The following ZNF521 variants were observed in gnomAD, a reference collection of about 807,000 sequenced individuals.
The protein encoded by ZNF521 is LYST-interacting protein 3.
A neutral mutation model predicts 105.5 loss-of-function variants in ZNF521; 14 were observed. The ratio of observed to expected loss-of-function variants is 0.13; its 90% CI spans 0.09 to 0.21. The LOEUF (loss-of-function observed/expected upper bound fraction) is 0.21. Among genes scored for constraint, ZNF521 ranks in the 10% least tolerant of loss-of-function variants. The pLI is 1.00. For synonymous variants in ZNF521, 635 were observed against 606.0 expected, an observed-to-expected ratio of 1.05 and a Z score of -0.70; for missense variants, 1,233 against 1,629.7, an observed-to-expected ratio of 0.76 and a Z score of 4.19.
At chr18:25,176,188 C>T (rs1374489990) in intron 5 of ZNF521, among the ~76,000 whole-genome samples, 1 of 152,190 alleles carries the variant, frequency 6.6e-6, no homozygotes, top group Admixed American at 6.5e-5. Context: ...CTGTAATAAA[C>T]TGGCAGCAAT....
intron 5 of ZNF521, among the ~76,000 whole-genome samples, chr18:25,153,676 C>T (rs1443463746): frequency 6.6e-6 from 1 of 152,180 alleles, no homozygotes; most frequent in Non-Finnish European, 1.5e-5. Flanking sequence ...CACACTCAAA[C>T]ATTTGATGCA....
chr18:25,191,291 G>A (rs2035813433), intron 5 of ZNF521, among the ~76,000 whole-genome samples: 1 of 152,108 alleles, frequency 6.6e-6, no homozygotes, highest in Non-Finnish European at 1.5e-5. Flanking sequence ...CATGAACTTT[G>A]AAAGGGAGGC....
At chr18:25,150,122 A>C (rs984421573) in intron 5 of ZNF521, among the ~76,000 whole-genome samples, 1 of 152,210 alleles carries the variant, frequency 6.6e-6, no homozygotes, top group African/African-American at 2.4e-5. Flanking sequence ...AATGGCATTC[A>C]CAGCAACTTG....
chr18:25,101,654 G>A (rs1202118662), intron 5 of ZNF521, among the ~76,000 whole-genome samples: 5 of 152,128 alleles, frequency 3.3e-5, no homozygotes, highest in African/African-American at 1.2e-4. Flanking sequence ...AAACTTCACT[G>A]AAAGGGCAGC....
intron 5 of ZNF521, among the ~76,000 whole-genome samples, chr18:25,118,136 C>T (rs1393898109): frequency 3.3e-5 from 5 of 151,928 alleles, no homozygotes; most frequent in African/African-American, 4.8e-5. Flanking sequence ...CAGACTAATG[C>T]CTTTAAGGTA....
rs551493474 is a variant in ZNF521, at chr18:25,288,609, A to T, written c.220+33399T>A. ...AACCCAGCTTTGAAAAAAAAAAAAA[A>T]AAGAAATCATTTGATTTTCATTGCC... On this transcript the variant is annotated intron_variant, in intron 3 of 7. Coordinates refer to ENST00000361524, the MANE Select transcript of ZNF521 (RefSeq NM_015461.3). Among the ~76,000 whole-genome samples, 88 of 152,144 alleles carry T rather than the reference A, an allele frequency of 5.8e-4. 1 individual carries two copies. The highest frequency in any genetic ancestry group is 6.8e-3 in the Middle Eastern group (2 of 294).
intron 2 of ZNF521, among the ~76,000 whole-genome samples, chr18:25,336,854 G>A (rs1913918895): frequency 6.6e-6 from 1 of 152,144 alleles, no homozygotes; most frequent in Non-Finnish European, 1.5e-5. Context: ...AAACCTTTGA[G>A]AGTAAAAAGA....
intron 3 of ZNF521, among the ~76,000 whole-genome samples, chr18:25,265,128 T>C (rs375971739): frequency 6.6e-6 from 1 of 152,192 alleles, no homozygotes; most frequent in African/African-American, 2.4e-5. Flanking sequence ...TTTAAAAATA[T>C]TAAACAAAAA....
At chr18:25,168,038 G>A (rs2035378286) in intron 5 of ZNF521, among the ~76,000 whole-genome samples, 1 of 152,172 alleles carries the variant, frequency 6.6e-6, no homozygotes. Flanking sequence ...ATAGCTCCAA[G>A]GTTAAGAGAC....
intron 2 of ZNF521, among the ~76,000 whole-genome samples, chr18:25,324,324 T>C (rs964208149): frequency 1.3e-5 from 2 of 151,344 alleles, no homozygotes; most frequent in Admixed American, 1.3e-4. Context: ...GCCTACATTT[T>C]CCAAAGCTGA....
At chr18:25,249,389 C>A (rs1248895740) in intron 3 of ZNF521, among the ~76,000 whole-genome samples, 2 of 151,886 alleles carry the variant, frequency 1.3e-5, no homozygotes, top group Admixed American at 6.6e-5. Flanking sequence ...CATCTCCTGA[C>A]CTCGTGATTC....
intron 3 of ZNF521, among the ~76,000 whole-genome samples, chr18:25,275,333 A>G (rs1235023175): frequency 6.6e-6 from 1 of 152,196 alleles, no homozygotes; most frequent in African/African-American, 2.4e-5. Flanking sequence ...GGACATCACT[A>G]AAAGGGGGAC....
At chr18:25,229,097 G>A (rs1906365901) in intron 3 of ZNF521, among the ~76,000 whole-genome samples, 1 of 152,210 alleles carries the variant, frequency 6.6e-6, no homozygotes, top group Non-Finnish European at 1.5e-5. Flanking sequence ...CTTCAAAGCT[G>A]AAGTTCACTA....
Position 25,227,110 on chromosome 18 carries a change from G to T in ZNF521, c.808C>A (p.Pro270Thr). ...DLQKHIAECH[P>T]ECSPNEDRAA... Reference sequence around the variant, plus strand: ...CGGTCCTCATTTGGGGAGCATTCGGGGTGGCACTCTGCAATGTGTTTTTGG... The same window carrying T: ...CGGTCCTCATTTGGGGAGCATTCGGTGTGGCACTCTGCAATGTGTTTTTGG... Residue 270 changes from proline (P) to threonine (T), a missense_variant, in exon 4 of 8, where the codon CCC becomes ACC. Physicochemically the swap from Pro to Thr is conservative, Grantham distance 38 (BLOSUM62 -1). This residue lies in a region of ZNF521 where 380 missense variants were observed against 478.0 expected (regional missense o/e 0.80). Coordinates refer to ENST00000361524, the MANE Select transcript of ZNF521 (RefSeq NM_015461.3). The surrounding 1 kb of genome is among the most constrained non-coding windows in gnomAD (Gnocchi z 5.7). 1 of 1,614,082 alleles carries T rather than the reference G, an allele frequency of 6.2e-7. No individual in the cohort carries two copies. The highest frequency in any genetic ancestry group is 1.3e-5 in the African/African-American group (1 of 75,006).
At chr18:25,308,998 T>A (rs1912146824) in intron 3 of ZNF521, among the ~76,000 whole-genome samples, 2 of 152,210 alleles carry the variant, frequency 1.3e-5, no homozygotes, top group South Asian at 4.1e-4. Flanking sequence ...ACTATATAGC[T>A]GTCAGGCACC....
At chr18:25,135,191 A>C (rs975122749) in intron 5 of ZNF521, among the ~76,000 whole-genome samples, 1 of 152,112 alleles carries the variant, frequency 6.6e-6, no homozygotes, top group African/African-American at 2.4e-5. Context: ...CAAGAATGAC[A>C]AAAGGAGGGG....
At chr18:25,291,733 A>G (rs1467976571) in intron 3 of ZNF521, among the ~76,000 whole-genome samples, 2 of 152,148 alleles carry the variant, frequency 1.3e-5, no homozygotes, top group Admixed American at 1.3e-4. Context: ...TCGGCATACT[A>G]TATTTGCAAT....
intron 3 of ZNF521, among the ~76,000 whole-genome samples, chr18:25,240,947 TAAAAA>T (rs35790866): frequency 1.7e-5 from 2 of 117,970 alleles, no homozygotes; most frequent in African/African-American, 6.3e-5. Context: ...AACCAGATAT[TAAAAA>T]AAAAAAAAAA....
chr18:25,228,973 T>G (rs917837708), intron 3 of ZNF521, among the ~76,000 whole-genome samples: 3 of 152,124 alleles, frequency 2.0e-5, no homozygotes, highest in African/African-American at 4.8e-5. Context: ...GTAAAGACCA[T>G]GGAGTGGAGC....
Sources: allele counts gnomAD v4.1 joint callset (sites outside exome capture counted in the v4.1 genomes callset), GRCh38; gene constraint gnomAD v4.1.1; regional missense constraint gnomAD v4.1.1; non-coding constraint Gnocchi (gnomAD v3.1); transcripts MANE v1.5; gene names NCBI Gene and HGNC (gene_info 2026-07-23, HGNC 2026-07-21).